Variants in PDE10A observed in about 807,000 individuals in gnomAD.
PDE10A encodes cAMP and cAMP-inhibited cGMP 3',5'-cyclic phosphodiesterase 10A.
PDE10A carries 39 observed loss-of-function variants against 97.7 expected under a neutral mutation model. The ratio of observed to expected loss-of-function variants is 0.40; its 90% CI spans 0.31 to 0.52. The LOEUF is 0.52. PDE10A is among the 20% of genes least tolerant of loss of function. The pLI is 0.56. For missense variants in PDE10A, 731 were observed against 1,047.8 expected (o/e 0.70, Z 4.17); for synonymous variants, 371 against 376.8 (o/e 0.98, Z 0.18).
Position 165,362,292 on chromosome 6 carries a change from T to C in PDE10A, c.2783+16902A>G, listed in dbSNP as rs531868078. 2.0e-5 allele frequency among the ~76,000 whole-genome samples: 3 copies of C among 152,042 alleles called. No homozygotes were observed. In the South Asian group the frequency reaches 6.2e-4, roughly 32 times the overall value. The stretch of plus-strand genomic sequence containing the variant: ...CAACAAAACTGACAAACTTTTAAGC[T>C]AGACTGACCAAGAAAAGACAGAGAG... On this transcript the variant is annotated intron_variant, in intron 18 of 21. Coordinates refer to ENST00000539869, the MANE Select transcript of PDE10A (RefSeq NM_001385079.1).
chr6:165,541,788 GT>G (rs2128322146), intron 2 of PDE10A, among the ~76,000 whole-genome samples: 1 of 152,218 alleles, frequency 6.6e-6, no homozygotes, highest in South Asian at 2.1e-4. Flanking sequence ...GACAATGCCT[GT>G]TTCTGATTTA....
intron 1 of PDE10A, among the ~76,000 whole-genome samples, chr6:165,793,021 T>C (rs1778700332): frequency 6.6e-6 from 1 of 152,088 alleles, no homozygotes; most frequent in South Asian, 2.1e-4. Flanking sequence ...AGCTCTCCAT[T>C]TCATAATGCA....
intron 5 of PDE10A, among the ~76,000 whole-genome samples, chr6:165,445,287 C>T (rs1790764416): frequency 6.6e-6 from 1 of 152,020 alleles, no homozygotes; most frequent in African/African-American, 2.4e-5. Flanking sequence ...TATATTTTAC[C>T]CATCTTTTAT....
rs143883446 is a variant in PDE10A, at chr6:165,550,300, C to T, written c.866-6732G>A. On this transcript the variant is annotated intron_variant, in intron 1 of 21. Transcript: ENST00000539869. ...ACCTTTAAAAAAATTCTAAGGTATACGTAACCAATAATCTCTTATTTATTG... is the reference window on the plus strand; with the variant it reads ...ACCTTTAAAAAAATTCTAAGGTATATGTAACCAATAATCTCTTATTTATTG... Among the ~76,000 whole-genome samples, 1,151 of 152,250 alleles carry T rather than the reference C, an allele frequency of 7.6e-3. 10 individuals are homozygous for T. The highest frequency in any genetic ancestry group is 0.027 in the African/African-American group (1,109 of 41,538).
chr6:165,566,518 G>C lies in PDE10A; in HGVS notation c.866-22950C>G, dbSNP rs536804003. ...AGACAGTTCGGCAGCTCTGGCAAAG[G>C]TAACAGTGTGGGTCAATGTCTGGAA... On this transcript the variant is annotated intron_variant, in intron 1 of 21. Coordinates refer to ENST00000539869, the MANE Select transcript of PDE10A (RefSeq NM_001385079.1). Among the ~76,000 whole-genome samples the C allele has an allele frequency of 5.6e-4, 85 of 152,298 alleles. 1 individual carries two copies. Among genetic ancestry groups the C allele is most frequent in the African/African-American group, 2.0e-3 (84 of 41,556 alleles).
chr6:165,386,872 C>G (rs962610921), intron 17 of PDE10A, among the ~76,000 whole-genome samples: 2 of 149,940 alleles, frequency 1.3e-5, no homozygotes, highest in African/African-American at 2.4e-5. Flanking sequence ...AAAAATTAGC[C>G]GGGCATGGTG....
chr6:165,788,229 T>G (rs1778546579), intron 1 of PDE10A, among the ~76,000 whole-genome samples: 1 of 151,934 alleles, frequency 6.6e-6, no homozygotes, highest in Non-Finnish European at 1.5e-5. Flanking sequence ...TTCAAGAGTA[T>G]ACTTCTGGCC....
intron 1 of PDE10A, among the ~76,000 whole-genome samples, chr6:165,889,816 C>A (rs1007417268): frequency 6.6e-6 from 1 of 151,560 alleles, no homozygotes; most frequent in African/African-American, 2.4e-5. Context: ...CCTCACTCAC[C>A]TACTCCTCCC....
At chr6:165,952,461 C>T (rs570668495) in intron 1 of PDE10A, among the ~76,000 whole-genome samples, 2 of 152,278 alleles carry the variant, frequency 1.3e-5, no homozygotes, top group South Asian at 2.1e-4. Context: ...AAAATGACAC[C>T]GTTTCTTAGT....
intron 3 of PDE10A, among the ~76,000 whole-genome samples, chr6:165,475,154 T>C (rs555795953): frequency 1.0e-3 from 153 of 152,250 alleles, no homozygotes; most frequent in Non-Finnish European, 1.7e-3. Flanking sequence ...AAAGAAACCA[T>C]TTTTCACACT....
At position 165,332,950 on chromosome 6, in the gene PDE10A, C is replaced by G. The variant is rs571047; in HGVS notation, c.*75G>C. On this transcript the variant is annotated 3_prime_UTR_variant, in exon 22 of 22. Transcript: ENST00000539869. ...AGGTGCAGGTTCCCCCCACCCCCCCCAAAAAAAGGAAAAGAATGTCAAAGA... is the reference window on the plus strand; with the variant it reads ...AGGTGCAGGTTCCCCCCACCCCCCCGAAAAAAAGGAAAAGAATGTCAAAGA... 2 of 665,404 alleles carry G rather than the reference C, an allele frequency of 3.0e-6. No homozygotes were observed. Among genetic ancestry groups the G allele is most frequent in the Admixed American group, 2.0e-5 (1 of 48,972 alleles). The allele number at this position is 665,404 out of a possible 1,614,324, so 41.2% of individuals were successfully genotyped here.
At chr6:165,618,137 A>C (rs1787812443) in intron 1 of PDE10A, among the ~76,000 whole-genome samples, 1 of 152,226 alleles carries the variant, frequency 6.6e-6, no homozygotes, top group Admixed American at 6.5e-5. Flanking sequence ...TGTATTCAAT[A>C]TATGTATACA....
chr6:165,858,756 G>A (rs1214538345), intron 1 of PDE10A, among the ~76,000 whole-genome samples: 2 of 152,202 alleles, frequency 1.3e-5, no homozygotes, highest in Non-Finnish European at 2.9e-5. Flanking sequence ...TTTTAAGGAA[G>A]ATGCTCCTCC....
intron 18 of PDE10A, among the ~76,000 whole-genome samples, chr6:165,376,330 T>TG (rs1369636213): frequency 6.6e-6 from 1 of 152,200 alleles, no homozygotes; most frequent in African/African-American, 2.4e-5. Flanking sequence ...TGATCAAACT[T>TG]GAACGGATGA....
intron 1 of PDE10A, among the ~76,000 whole-genome samples, chr6:165,831,132 C>A (rs1779899412): frequency 6.6e-6 from 1 of 151,994 alleles, no homozygotes; most frequent in South Asian, 2.1e-4. Context: ...AGCCTGTAAT[C>A]CCAGCACTTT....
At chr6:165,693,842 C>T (rs2128442321) in intron 1 of PDE10A, among the ~76,000 whole-genome samples, 2 of 152,300 alleles carry the variant, frequency 1.3e-5, no homozygotes, top group East Asian at 3.9e-4. Context: ...TTCACGGGGC[C>T]TTCCTGAAAC....
intron 1 of PDE10A, among the ~76,000 whole-genome samples, chr6:165,795,386 G>A (rs948287222): frequency 6.6e-6 from 1 of 152,118 alleles, no homozygotes; most frequent in Non-Finnish European, 1.5e-5. Context: ...TGAGTGACGG[G>A]AGCTACACGC....
chr6:165,715,263 C>T (rs1791998392), intron 1 of PDE10A, among the ~76,000 whole-genome samples: 1 of 152,200 alleles, frequency 6.6e-6, no homozygotes, highest in Non-Finnish European at 1.5e-5. Context: ...CTGGGATAAA[C>T]AATCATATTT....
intron 2 of PDE10A, among the ~76,000 whole-genome samples, chr6:165,492,019 C>T (rs867857904): frequency 6.8e-5 from 10 of 146,736 alleles, no homozygotes; most frequent in African/African-American, 2.3e-4. Context: ...AAGAAACAAA[C>T]GGGAGCTATT....
Sources: gnomAD v4.1 joint callset for allele counts (sites outside exome capture counted in the v4.1 genomes callset) on GRCh38, gnomAD v4.1.1 for gene constraint, MANE v1.5 for transcripts, NCBI Gene and HGNC (gene_info 2026-07-23, HGNC 2026-07-21) for gene names.